Variants in OR13A1 observed in about 807,000 individuals in gnomAD.
OR13A1 encodes olfactory receptor 13A1.
OR13A1 carries 10 observed loss-of-function variants against 7.5 expected under a neutral mutation model. The observed-to-expected ratio is 1.34, with a 90% CI of 0.83 to 2.27. The LOEUF is 2.27. OR13A1 is among the 30% of genes most tolerant of loss of function. The pLI, the probability that OR13A1 is intolerant of heterozygous loss-of-function variation, is 0.00. For missense variants in OR13A1, 509 were observed against 419.1 expected, an observed-to-expected ratio of 1.21 and a Z score of -1.87; for synonymous variants, 238 against 177.9, an observed-to-expected ratio of 1.34 and a Z score of -2.69.
chr10:45,303,919 C>A lies in OR13A1; in HGVS notation c.504G>T (p.Leu168=), dbSNP rs765043094. 179 of 1,613,728 alleles carry A rather than the reference C, an allele frequency of 1.1e-4. 1 individual carries two copies. The East Asian group carries it at 3.9e-3, about 35-fold the overall frequency. Residue 168 remains leucine, a synonymous_variant, in exon 4 of 4, where the codon CTG becomes CTT. Transcript: ENST00000553795. ...FCSGLATAVW[L]LCAVNTAIHT... ...GGATGGCCGTGTTGACGGCGCAGAGCAGCCACACGGCTGTGGCCAGCCCGC... is the reference window on the plus strand; with the variant it reads ...GGATGGCCGTGTTGACGGCGCAGAGAAGCCACACGGCTGTGGCCAGCCCGC...
Position 45,303,996 on chromosome 10 carries a change from C to T in OR13A1, c.427G>A (p.Ala143Thr). ...LTVMAYDRYA[A>T]ICHPLHYSSM... The stretch of plus-strand genomic sequence containing the variant: ...CTGTAATGCAGCGGGTGGCAGATGG[C>T]TGCGTACCGGTCATAGGCCATGACC... Residue 143 changes from alanine (A) to threonine (T), a missense_variant, in exon 4 of 4, where the codon GCC becomes ACC. Physicochemically the swap from Ala to Thr is moderately conservative, Grantham distance 58. Transcript: ENST00000553795. 1 of 1,612,306 alleles carries T rather than the reference C, an allele frequency of 6.2e-7. No individual in the cohort carries two copies. The highest frequency in any genetic ancestry group is 8.5e-7 in the Non-Finnish European group (1 of 1,178,910).
At chr10:45,315,154 T>C (rs1838501281) in intron 1 of OR13A1, among the ~76,000 whole-genome samples, 1 of 152,056 alleles carries the variant, frequency 6.6e-6, no homozygotes, top group South Asian at 2.1e-4. Flanking sequence ...AATGCAAGAA[T>C]GATAGAACAT....
At chr10:45,309,603 C>T (rs2133043620) in intron 1 of OR13A1, among the ~76,000 whole-genome samples, 1 of 152,194 alleles carries the variant, frequency 6.6e-6, no homozygotes, top group Non-Finnish European at 1.5e-5. Context: ...TGCGCTTAAC[C>T]TCTCCAGGAC....
intron 1 of OR13A1, among the ~76,000 whole-genome samples, chr10:45,311,802 C>A (rs115346458): frequency 0.021 from 3,239 of 152,048 alleles, 117 homozygotes; most frequent in African/African-American, 0.073. Context: ...ACATAACAAA[C>A]CTGCACATGT....
intron 1 of OR13A1, among the ~76,000 whole-genome samples, chr10:45,314,837 T>C (rs964584757): frequency 2.6e-5 from 4 of 152,120 alleles, no homozygotes; most frequent in African/African-American, 9.7e-5. Flanking sequence ...TCTAGAAATA[T>C]ACAACCTAAT....
chr10:45,306,250 C>T (rs958350389), intron 3 of OR13A1, among the ~76,000 whole-genome samples: 3 of 152,050 alleles, frequency 2.0e-5, no homozygotes, highest in African/African-American at 7.2e-5. Flanking sequence ...GTCAGGAGAT[C>T]GAGACCTTCC....
chr10:45,312,682 A>G (rs1029153473), intron 1 of OR13A1, among the ~76,000 whole-genome samples: 13 of 152,136 alleles, frequency 8.5e-5, no homozygotes, highest in African/African-American at 2.9e-4. Context: ...AAAGAAAGTA[A>G]CTTGTCATGT....
intron 3 of OR13A1, among the ~76,000 whole-genome samples, chr10:45,305,967 G>A (rs1838319723): frequency 6.6e-6 from 1 of 152,142 alleles, no homozygotes; most frequent in South Asian, 2.1e-4. Flanking sequence ...TCCCTTCTTG[G>A]CACCCAGCCC....
Position 45,304,191 on chromosome 10 carries a change from A to AAGCTC in OR13A1, c.231_232insGAGCT (p.Tyr78GlufsTer78). On this transcript the variant is annotated frameshift_variant, in exon 4 of 4. Coordinates refer to ENST00000553795, the MANE Select transcript of OR13A1 (RefSeq NM_001004297.3). LOFTEE classifies it high-confidence loss of function. ...GTAGCCAAGTTGAGTAAGAAAAAGT[A>AAGCTC]CATAGGAGCGTGGAGCCCAGGGTTG... is the stretch of plus-strand genomic sequence containing the variant. 3.1e-6 allele frequency: 5 copies of AAGCTC among 1,614,250 alleles called. No individual in the cohort carries two copies. The highest frequency in any genetic ancestry group is 4.2e-6 in the Non-Finnish European group (5 of 1,180,050).
At chr10:45,314,223 T>C (rs141302681) in intron 1 of OR13A1, among the ~76,000 whole-genome samples, 206 of 152,080 alleles carry the variant, frequency 1.4e-3, no homozygotes, top group African/African-American at 4.6e-3. Flanking sequence ...AAAATAAAAA[T>C]ACAATGTACC....
At chr10:45,308,815 G>A (rs538396435) in intron 1 of OR13A1, 10 of 152,346 alleles carry the variant, frequency 6.6e-5, no homozygotes, top group Non-Finnish European at 1.3e-4. Flanking sequence ...CATTGAGGCA[G>A]TGTGCAACCT....
chr10:45,303,913 G>T lies in OR13A1; in HGVS notation c.510C>A (p.Cys170Ter). The T allele has an allele frequency of 6.2e-7, 1 of 1,613,550 alleles. No individual in the cohort carries two copies. The highest frequency in any genetic ancestry group is 8.5e-7 in the Non-Finnish European group (1 of 1,180,034). Residue 170 changes from cysteine (C) to a stop codon, truncating the protein, a stop_gained, in exon 4 of 4, where the codon TGC becomes TGA. Transcript: ENST00000553795. LOFTEE classifies it low-confidence loss of function (END_TRUNC). The stretch of plus-strand genomic sequence containing the variant: ...CCGTGTGGATGGCCGTGTTGACGGC[G>T]CAGAGCAGCCACACGGCTGTGGCCA... ...SGLATAVWLL[C>*]AVNTAIHTGL...
chr10:45,303,824 G>A lies in OR13A1; in HGVS notation c.599C>T (p.Pro200Leu), dbSNP rs1235750011. 3 of 1,613,012 alleles carry A rather than the reference G, an allele frequency of 1.9e-6. No homozygotes were observed. The highest frequency in any genetic ancestry group is 1.7e-5 in the Admixed American group (1 of 60,030). ...NVIIHFFCEVPPLLLLSCSST... is the reference protein window; with the variant it reads ...NVIIHFFCEVLPLLLLSCSST... ...GCTGCAGGAGAGAAGCAGCAGGGGA[G>A]GGACCTCGCAGAAGAAATGGATAAT... Residue 200 changes from proline to leucine, a missense_variant, in exon 4 of 4, where the codon CCT (proline) becomes CTT (leucine). Physicochemically the swap from Pro to Leu is moderately conservative, Grantham distance 98. Coordinates refer to ENST00000553795, the MANE Select transcript of OR13A1 (RefSeq NM_001004297.3).
chr10:45,304,495 A>G (rs1454703559), intron 3 of OR13A1, 61 bp from the exon 4 acceptor site: 1 of 1,371,160 alleles, frequency 7.3e-7, no homozygotes, highest in Non-Finnish European at 1.0e-6. Context: ...TCCACACCTC[A>G]CATCACTGCA....
At chr10:45,302,589 C>A (rs1029725487), downstream of OR13A1, 3 of 152,166 alleles carry the variant, frequency 2.0e-5, no homozygotes, top group African/African-American at 7.2e-5. Context: ...ACTAAACATT[C>A]ACATCTTAGT....
chr10:45,314,629 GA>G (rs1838495424), intron 1 of OR13A1, among the ~76,000 whole-genome samples: 1 of 151,726 alleles, frequency 6.6e-6, no homozygotes, highest in South Asian at 2.1e-4. Flanking sequence ...ACAAAACTAA[GA>G]GGTGGTTTTT....
chr10:45,304,067 A>T lies in OR13A1; in HGVS notation c.356T>A (p.Leu119His), dbSNP rs746024425. 1 of 1,613,786 alleles carries T rather than the reference A, an allele frequency of 6.2e-7. No individual in the cohort carries two copies. The highest frequency in any genetic ancestry group is 8.5e-7 in the Non-Finnish European group (1 of 1,179,866). Residue 119 changes from leucine to histidine, a missense_variant, in exon 4 of 4, where the codon CTC (leucine) becomes CAC (histidine). Physicochemically the swap from Leu to His is moderately conservative, Grantham distance 99. Transcript: ENST00000553795. ...GGATGCAGCCCACGTGAGGAAATAG[A>T]GCTGGGCCATGCAGCCCCCGTAGGA... ...SISYGGCMAQ[L>H]YFLTWAASSE...
At chr10:45,312,105 C>T (rs1405665432) in intron 1 of OR13A1, among the ~76,000 whole-genome samples, 1 of 152,020 alleles carries the variant, frequency 6.6e-6, no homozygotes, top group East Asian at 1.9e-4. Flanking sequence ...TGTAAGTGAG[C>T]TGTAAGACAA....
chr10:45,304,753 T>C (rs968149180), intron 3 of OR13A1, among the ~76,000 whole-genome samples: 6 of 152,176 alleles, frequency 3.9e-5, no homozygotes, highest in African/African-American at 1.4e-4. Context: ...TGCAGGCCTT[T>C]TAAAATATGT....
Sources: allele counts gnomAD v4.1 joint callset (sites outside exome capture counted in the v4.1 genomes callset), GRCh38; gene constraint gnomAD v4.1.1; transcripts MANE v1.5; gene names NCBI Gene and HGNC (gene_info 2026-07-23, HGNC 2026-07-21).